RIPK4: variants seen among roughly 807,000 people sequenced by gnomAD.
RIPK4 encodes receptor-interacting serine/threonine-protein kinase 4.
In RIPK4, 17 loss-of-function variants were observed where a neutral mutation model predicts 42.9. The ratio of observed to expected loss-of-function variants is 0.40; its 90% CI spans 0.27 to 0.59. RIPK4 has a LOEUF of 0.59. RIPK4 is among the 20% of genes least tolerant of loss of function. RIPK4 has a pLI of 0.47. For synonymous variants in RIPK4, 498 were observed against 499.1 expected (o/e 1.00, Z 0.03); for missense variants, 897 against 1,104.4 (o/e 0.81, Z 2.66).
chr21:41,745,815 C>G lies in RIPK4; in HGVS notation c.880G>C (p.Val294Leu), dbSNP rs771467006. ...TCCAGATCATGAGCAGTTTCTTTCACTTCGTCATCAGGCTTTTCACACAGG... is the reference window on the plus strand; with the variant it reads ...TCCAGATCATGAGCAGTTTCTTTCAGTTCGTCATCAGGCTTTTCACACAGG... ...EDLCEKPDDE[V>L]KETAHDLDVK... Residue 294 changes from valine (V) to leucine (L), a missense_variant, in exon 6 of 8, where the codon GTG becomes CTG. By Grantham distance (32) the Val-to-Leu change is conservative. Transcript: ENST00000332512. The G allele has an allele frequency of 1.2e-6, 2 of 1,614,242 alleles. No homozygotes were observed. The highest frequency in any genetic ancestry group is 1.7e-5 in the Admixed American group (1 of 60,034).
chr21:41,741,873 G>C lies in RIPK4; in HGVS notation c.1320C>G (p.Ser440Arg), dbSNP rs944380902. Residue 440 changes from serine to arginine, a missense_variant, in exon 8 of 8, where the codon AGC becomes AGG. By Grantham distance (110) the Ser-to-Arg change is moderately radical. Transcript: ENST00000332512. ...CGGCCTCCACCGCCAGGTGCAGCAG[G>C]CTGGCACCGCTGTCCAGTGCCAGGT... ...DVDLALDSGA[S>R]LLHLAVEAGQ... The C allele has an allele frequency of 1.9e-6, 3 of 1,613,270 alleles. No individual in the cohort carries two copies. The highest frequency in any genetic ancestry group is 2.5e-6 in the Non-Finnish European group (3 of 1,180,030).
At chr21:41,746,167 G>A (rs754139900) in intron 5 of RIPK4, 23 of 650,420 alleles carry the variant, frequency 3.5e-5, no homozygotes, top group East Asian at 1.3e-4. Context: ...CATTCAGCCC[G>A]TTTCCTGCCG....
intron 4 of RIPK4, 103 bp downstream of exon 4, chr21:41,749,051 T>C: frequency 8.2e-7 from 1 of 1,221,292 alleles, no homozygotes; most frequent in Non-Finnish European, 1.2e-6. Flanking sequence ...TATGGCAGCG[T>C]GGATCACAGG....
intron 1 of RIPK4, among the ~76,000 whole-genome samples, chr21:41,759,819 C>T (rs915925859): frequency 2.6e-5 from 4 of 152,212 alleles, no homozygotes; most frequent in Non-Finnish European, 5.9e-5. Context: ...AACACTTTCC[C>T]TGCAGGAAAG....
rs1194508716 is a variant in RIPK4, at chr21:41,741,035, C to T, written c.2158G>A (p.Glu720Lys). 1 of 1,609,540 alleles carries T rather than the reference C, an allele frequency of 6.2e-7. No individual in the cohort carries two copies. Among genetic ancestry groups the T allele is most frequent in the African/African-American group, 1.3e-5 (1 of 74,894 alleles). The change falls in exon 8 of 8, where the codon GAG (glutamate) becomes AAG (lysine). Residue 720 changes from glutamate (E) to lysine (K), a missense_variant. Coordinates refer to ENST00000332512, the MANE Select transcript of RIPK4 (RefSeq NM_020639.3). Reference protein sequence around the residue: ...AAAHGHSEVVEELVSADVIDL... With the variant: ...AAAHGHSEVVKELVSADVIDL... Reference sequence around the variant, plus strand: ...ATGACATCGGCGCTGACCAACTCCTCCACCACCTCCGAGTGCCCGTGGGCG... The same window carrying T: ...ATGACATCGGCGCTGACCAACTCCTTCACCACCTCCGAGTGCCCGTGGGCG...
intron 2 of RIPK4, among the ~76,000 whole-genome samples, chr21:41,752,645 G>A (rs1157668199): frequency 6.6e-6 from 1 of 152,200 alleles, no homozygotes; most frequent in African/African-American, 2.4e-5. Flanking sequence ...TGCAAACCCC[G>A]GCGGCTGCTG....
chr21:41,741,904 TC>T lies in RIPK4; in HGVS notation c.1288del (p.Asp430ThrfsTer37). ...ACCGCTGTCCAGTGCCAGGTCCACG[TC>T]CTGCGGCTGCAGGATCTTCATCAGT... ...SKLMKILQPQ[D>X]VDLALDSGAS... On this transcript the variant is annotated frameshift_variant, in exon 8 of 8. Coordinates refer to ENST00000332512, the MANE Select transcript of RIPK4 (RefSeq NM_020639.3). LOFTEE classifies it low-confidence loss of function (END_TRUNC). 1 of 1,613,552 alleles carries T rather than the reference TC, an allele frequency of 6.2e-7. No homozygotes were observed. Among genetic ancestry groups the T allele is most frequent in the East Asian group, 2.2e-5 (1 of 44,878 alleles).
chr21:41,741,778 G>A lies in RIPK4; in HGVS notation c.1415C>T (p.Ser472Phe), dbSNP rs772009598. Residue 472 changes from serine (S) to phenylalanine (F), a missense_variant, in exon 8 of 8, where the codon TCC (serine) becomes TTC (phenylalanine). Ser to Phe is a radical substitution (Grantham distance 155). Transcript: ENST00000332512. Reference protein sequence around the residue: ...ANPNLSNRRGSTPLHMAVERR... With the variant: ...ANPNLSNRRGFTPLHMAVERR... ...CTCCACGGCCATGTGCAACGGGGTG[G>A]AGCCCCTACGGTTGCTCAGGTTGGG... 4.3e-6 allele frequency: 7 copies of A among 1,611,430 alleles called. No homozygotes were observed. The Admixed American group carries it at 6.7e-5, about 15-fold the overall frequency.
chr21:41,751,062 C>A lies in RIPK4; in HGVS notation c.623+35G>T, dbSNP rs778861847. On this transcript the variant is annotated intron_variant, in intron 3 of 7. Coordinates refer to ENST00000332512, the MANE Select transcript of RIPK4 (RefSeq NM_020639.3). The surrounding 1 kb of genome is among the most constrained non-coding windows in gnomAD (Gnocchi z 4.5). The stretch of plus-strand genomic sequence containing the variant: ...AAGCATTGAGGTTGAGAGCCCCTGG[C>A]ACCCACAGGGGATGGGGGGCGGCAT... 1 of 1,598,336 alleles carries A rather than the reference C, an allele frequency of 6.3e-7. No homozygotes were observed. Among genetic ancestry groups the A allele is most frequent in the Non-Finnish European group, 8.5e-7 (1 of 1,170,798 alleles).
intron 1 of RIPK4, among the ~76,000 whole-genome samples, chr21:41,763,817 C>T (rs1055545591): frequency 2.4e-4 from 36 of 152,310 alleles, no homozygotes; most frequent in African/African-American, 7.7e-4. Context: ...GTGGCAGGAG[C>T]GTCTCCCAGC....
chr21:41,746,386 G>A (rs1020486209), intron 5 of RIPK4, among the ~76,000 whole-genome samples: 1 of 152,262 alleles, frequency 6.6e-6, no homozygotes, highest in Non-Finnish European at 1.5e-5. Context: ...TGGGGAGCAG[G>A]GGGCGGATGG....
chr21:41,750,997 G>A, intron 3 of RIPK4, 100 bp downstream of exon 3: 1 of 1,449,530 alleles, frequency 6.9e-7, no homozygotes, highest in Non-Finnish European at 9.3e-7. Flanking sequence ...TTTCTGACTG[G>A]CAGCAAGAGG....
At chr21:41,761,273 G>A (rs1203454606) in intron 1 of RIPK4, among the ~76,000 whole-genome samples, 1 of 152,228 alleles carries the variant, frequency 6.6e-6, no homozygotes, top group Non-Finnish European at 1.5e-5. Context: ...CTCCTCCTCT[G>A]GGAACACCGG....
chr21:41,748,046 C>T lies in RIPK4; in HGVS notation c.673+1108G>A, dbSNP rs148872904. ...CGGGTGTCACATCTATCAGACACTG[C>T]CTCATTTCACAAGCCTTCGGGCTGT... On this transcript the variant is annotated intron_variant, in intron 4 of 7. Coordinates refer to ENST00000332512, the MANE Select transcript of RIPK4 (RefSeq NM_020639.3). Among the ~76,000 whole-genome samples the T allele has an allele frequency of 2.0e-5, 3 of 152,346 alleles. No individual in the cohort carries two copies. In the East Asian group the frequency reaches 5.8e-4, roughly 29 times the overall value.
At chr21:41,743,030 C>T (rs1322022849) in intron 7 of RIPK4, among the ~76,000 whole-genome samples, 1 of 152,194 alleles carries the variant, frequency 6.6e-6, no homozygotes, top group Non-Finnish European at 1.5e-5. Context: ...ATCTAAAAAT[C>T]CCGGGAAGTC....
chr21:41,746,343 A>G lies in RIPK4; in HGVS notation c.832+270T>C, dbSNP rs1280120323. 3.9e-5 allele frequency among the ~76,000 whole-genome samples: 6 copies of G among 152,332 alleles called. No homozygotes were observed. In the East Asian group the frequency reaches 1.2e-3, roughly 29 times the overall value. Reference sequence around the variant, plus strand: ...CTGCACCTGAACTTCAGGCTCCCATACAGACTCCTCTGGGTGGCAAGCCCA... The same window carrying G: ...CTGCACCTGAACTTCAGGCTCCCATGCAGACTCCTCTGGGTGGCAAGCCCA... On this transcript the variant is annotated intron_variant, in intron 5 of 7. Transcript: ENST00000332512.
At chr21:41,766,811 ACCCCAGCCCGGG>A in intron 1 of RIPK4, 37 bp downstream of exon 1, 6 of 1,561,942 alleles carry the variant, frequency 3.8e-6, no homozygotes, top group Non-Finnish European at 5.2e-6. Context: ...CCCGACCCCG[ACCCCAGCCCGGG>A]CCCCAGCCGC....
In RIPK4 at chr21:41,767,038, C is replaced by G; in HGVS notation, c.4G>C (p.Glu2Gln). The stretch of plus-strand genomic sequence containing the variant: ...GCCCATGGGGTCCCGCCGTCGCCCT[C>G]CATCGCGCACGTCTAGCCAGCGCCG... M[E>Q]GDGGTPWALA... Residue 2 changes from glutamate (E) to glutamine (Q), a missense_variant, in exon 1 of 8, where the codon GAG becomes CAG. Glu to Gln is a conservative substitution (Grantham distance 29). Coordinates refer to ENST00000332512, the MANE Select transcript of RIPK4 (RefSeq NM_020639.3). This position sits in a 1 kb window ranked among gnomAD's most constrained non-coding sequence, Gnocchi z 4.0. The G allele has an allele frequency of 6.4e-7, 1 of 1,570,186 alleles. No individual in the cohort carries two copies. Among genetic ancestry groups the G allele is most frequent in the South Asian group, 1.2e-5 (1 of 86,388 alleles).
intron 1 of RIPK4, among the ~76,000 whole-genome samples, chr21:41,760,701 G>A (rs556461930): frequency 1.3e-5 from 2 of 152,188 alleles, no homozygotes; most frequent in African/African-American, 4.8e-5. Context: ...GCTGCACCAG[G>A]GGTCACTAGG....
Sources: allele counts gnomAD v4.1 joint callset (sites outside exome capture counted in the v4.1 genomes callset), GRCh38; gene constraint gnomAD v4.1.1; non-coding constraint Gnocchi (gnomAD v3.1); transcripts MANE v1.5; gene names NCBI Gene and HGNC (gene_info 2026-07-23, HGNC 2026-07-21).